CADPS: variants seen among roughly 807,000 people sequenced by gnomAD.
CADPS encodes the protein calcium-dependent secretion activator 1.
A neutral mutation model predicts 167.3 loss-of-function variants in CADPS; 57 were observed. That is an observed-to-expected ratio of 0.34 (90% CI 0.28 to 0.42). CADPS has a LOEUF of 0.42. Ranked by LOEUF, CADPS falls within the 20% of genes least tolerant of loss-of-function variation. The pLI is 1.00. For missense variants in CADPS, 1,414 were observed against 1,738.1 expected, an observed-to-expected ratio of 0.81 and a Z score of 3.32; for synonymous variants, 676 against 635.3, an observed-to-expected ratio of 1.06 and a Z score of -0.96.
At chr3:62,793,247 T>C (rs2093107180) in intron 1 of CADPS, among the ~76,000 whole-genome samples, 1 of 151,568 alleles carries the variant, frequency 6.6e-6, no homozygotes, top group African/African-American at 2.4e-5. Flanking sequence ...AAATTTAATA[T>C]GGTGTAGAAT....
At position 62,568,166 on chromosome 3, in the gene CADPS, C is replaced by T. The variant is rs974629056; in HGVS notation, c.1644+2706G>A. On this transcript the variant is annotated intron_variant, in intron 9 of 29. Coordinates refer to ENST00000383710, the MANE Select transcript of CADPS (RefSeq NM_003716.4). The stretch of plus-strand genomic sequence containing the variant: ...AGAGCCAGTCTGTCTCATGACCACA[C>T]TAGCAGCACTGGCCATGGTTCCAGG... 3.3e-5 allele frequency among the ~76,000 whole-genome samples: 5 copies of T among 152,184 alleles called. No homozygotes were observed. The South Asian group carries it at 1.0e-3, about 32-fold the overall frequency.
chr3:62,566,369 C>A (rs1405845180), intron 9 of CADPS, among the ~76,000 whole-genome samples: 1 of 152,156 alleles, frequency 6.6e-6, no homozygotes, highest in Non-Finnish European at 1.5e-5. Context: ...CTGAATTCAA[C>A]ATTGCATGCA....
In CADPS at chr3:62,398,811, T is replaced by C. The variant is rs1157300785; in HGVS notation, c.*595A>G. On this transcript the variant is annotated 3_prime_UTR_variant, in exon 30 of 30. Transcript: ENST00000383710. Reference sequence around the variant, plus strand: ...TCCATTGGTATGTAGCCATCCTTTTTTTTTTGGCTAATTATATGAGTAAAT... The same window carrying C: ...TCCATTGGTATGTAGCCATCCTTTTCTTTTTGGCTAATTATATGAGTAAAT... The C allele has an allele frequency of 6.6e-6, 1 of 152,160 alleles. No homozygotes were observed. The highest frequency in any genetic ancestry group is 2.4e-5 in the African/African-American group (1 of 41,436). The allele number at this position is 152,160 out of a possible 1,614,324, so 9.4% of individuals were successfully genotyped here. A position where few individuals can be genotyped will look rare whatever the true frequency, so the allele number is the denominator to read the frequency against.
At chr3:62,516,026 A>G (rs1010856922) in intron 16 of CADPS, 33 bp downstream of exon 16, 33 of 1,611,546 alleles carry the variant, frequency 2.0e-5, no homozygotes, top group Non-Finnish European at 2.7e-5. Context: ...ATCAAAATTT[A>G]AATTCAAAAC....
intron 2 of CADPS, among the ~76,000 whole-genome samples, chr3:62,763,612 C>T (rs1025811497): frequency 1.3e-5 from 2 of 152,134 alleles, no homozygotes; most frequent in African/African-American, 2.4e-5. Context: ...CAGGAAGAGA[C>T]ATCAGCTTCT....
In CADPS at chr3:62,543,053, T is replaced by C. The variant is rs910107461; in HGVS notation, c.1967-6472A>G. 8.5e-5 allele frequency among the ~76,000 whole-genome samples: 13 copies of C among 152,312 alleles called. No individual in the cohort carries two copies. In the East Asian group the frequency reaches 2.1e-3, roughly 25 times the overall value. ...AATAATATGTTAAATATGTCTTACG[T>C]AGTTAACAGTGAGGTAAACCTTCAT... On this transcript the variant is annotated intron_variant, in intron 11 of 29. Transcript: ENST00000383710.
intron 28 of CADPS, among the ~76,000 whole-genome samples, chr3:62,424,671 C>T (rs1328238041): frequency 6.6e-6 from 1 of 152,166 alleles, no homozygotes; most frequent in Non-Finnish European, 1.5e-5. Context: ...AAAAGGTTTT[C>T]CAATGAATCT....
intron 26 of CADPS, among the ~76,000 whole-genome samples, chr3:62,462,940 G>A (rs963742071): frequency 6.6e-5 from 10 of 152,156 alleles, no homozygotes; most frequent in East Asian, 1.9e-4. Context: ...ATGAGAACAC[G>A]GGCTGCAAAT....
chr3:62,748,081 G>C (rs1186424708), intron 3 of CADPS, among the ~76,000 whole-genome samples: 2 of 149,846 alleles, frequency 1.3e-5, no homozygotes, highest in African/African-American at 2.5e-5. Context: ...AGTACTTTGG[G>C]AGGCTGAGGC....
At chr3:62,803,772 C>T (rs1037063232) in intron 1 of CADPS, among the ~76,000 whole-genome samples, 1 of 152,126 alleles carries the variant, frequency 6.6e-6, no homozygotes, top group African/African-American at 2.4e-5. Context: ...AAAATCCTCT[C>T]GTTTTCCCAG....
rs994429575 is a variant in CADPS, at chr3:62,415,248, A to C, written c.3778-12063T>G. On this transcript the variant is annotated intron_variant, in intron 28 of 29. Coordinates refer to ENST00000383710, the MANE Select transcript of CADPS (RefSeq NM_003716.4). The stretch of plus-strand genomic sequence containing the variant: ...TAGCACACTGATTGTGGCACATTTT[A>C]TCAAAAAACGGCGCTCGGTTGCTCG... Among the ~76,000 whole-genome samples, 9 of 152,196 alleles carry C rather than the reference A, an allele frequency of 5.9e-5. No homozygotes were observed. The East Asian group carries it at 1.2e-3, about 20-fold the overall frequency.
At chr3:62,716,025 G>T (rs1205747440) in intron 3 of CADPS, among the ~76,000 whole-genome samples, 1 of 151,794 alleles carries the variant, frequency 6.6e-6, no homozygotes, top group Non-Finnish European at 1.5e-5. Flanking sequence ...GATCACAGGA[G>T]TGAGCCACTG....
chr3:62,481,447 A>AG (rs2062003036), intron 22 of CADPS, among the ~76,000 whole-genome samples: 5 of 152,192 alleles, frequency 3.3e-5, no homozygotes, highest in Admixed American at 3.3e-4. Flanking sequence ...CCTGCCAAAA[A>AG]GGGTAGAATC....
intron 1 of CADPS, among the ~76,000 whole-genome samples, chr3:62,844,162 C>T (rs1295578744): frequency 2.6e-5 from 4 of 152,152 alleles, no homozygotes. Flanking sequence ...AGAGACAAAT[C>T]ACAGTTGTAA....
chr3:62,516,001 T>A, intron 16 of CADPS, 58 bp downstream of exon 16: 1 of 1,604,726 alleles, frequency 6.2e-7, no homozygotes, highest in Non-Finnish European at 8.5e-7. Context: ...GAGAAAGACT[T>A]CCCCAGGGAG....
intron 2 of CADPS, among the ~76,000 whole-genome samples, chr3:62,754,055 T>C (rs1359533272): frequency 6.6e-6 from 1 of 152,222 alleles, no homozygotes; most frequent in Non-Finnish European, 1.5e-5. Flanking sequence ...GCACATGGTA[T>C]ACAGACCTGT....
intron 17 of CADPS, among the ~76,000 whole-genome samples, chr3:62,510,738 T>C (rs1462958310): frequency 6.6e-6 from 1 of 152,156 alleles, no homozygotes; most frequent in Admixed American, 6.6e-5. Flanking sequence ...AATTTGCACC[T>C]GTAACTCCGG....
intron 3 of CADPS, among the ~76,000 whole-genome samples, chr3:62,723,014 C>G (rs1378343540): frequency 6.6e-6 from 1 of 152,100 alleles, no homozygotes; most frequent in Non-Finnish European, 1.5e-5. Flanking sequence ...GATCTAGCAG[C>G]TAATTTTATT....
intron 1 of CADPS, among the ~76,000 whole-genome samples, chr3:62,772,201 CT>C (rs1369495613): frequency 6.6e-6 from 1 of 152,118 alleles, no homozygotes; most frequent in Non-Finnish European, 1.5e-5. Context: ...CTTTTATCTT[CT>C]TTCAATGCTT....
Sources: allele counts gnomAD v4.1 joint callset (sites outside exome capture counted in the v4.1 genomes callset), GRCh38; gene constraint gnomAD v4.1.1; transcripts MANE v1.5; gene names NCBI Gene and HGNC (gene_info 2026-07-23, HGNC 2026-07-21).